C1QTNF7: variants seen among roughly 807,000 people sequenced by gnomAD.
The protein encoded by C1QTNF7 is complement C1q tumor necrosis factor-related protein 7.
A neutral mutation model predicts 19.6 loss-of-function variants in C1QTNF7; 15 were observed. That is an observed-to-expected ratio of 0.76 (90% CI 0.51 to 1.18). The LOEUF is 1.18. Among genes scored for constraint, C1QTNF7 ranks in the 50% most tolerant of loss-of-function variants. C1QTNF7 has a pLI of 0.00. For synonymous variants in C1QTNF7, 142 were observed against 137.5 expected (o/e 1.03, Z -0.23); for missense variants, 324 against 359.7 (o/e 0.90, Z 0.80).
chr4:15,387,156 G>C (rs1718369205), intron 1 of C1QTNF7, among the ~76,000 whole-genome samples: 1 of 152,178 alleles, frequency 6.6e-6, no homozygotes, highest in Admixed American at 6.5e-5. Flanking sequence ...GAGAATCAAA[G>C]GGGACTCCAA....
At chr4:15,383,045 A>C (rs1431617359) in intron 1 of C1QTNF7, among the ~76,000 whole-genome samples, 1 of 152,166 alleles carries the variant, frequency 6.6e-6, no homozygotes, top group Non-Finnish European at 1.5e-5. Flanking sequence ...TGATAAGGAC[A>C]CTCAAATGTC....
intron 1 of C1QTNF7, among the ~76,000 whole-genome samples, chr4:15,421,144 T>G (rs1394354077): frequency 1.3e-5 from 2 of 151,972 alleles, no homozygotes; most frequent in Non-Finnish European, 2.9e-5. Flanking sequence ...CGGATAAACG[T>G]TTAGAAACAC....
intron 1 of C1QTNF7, among the ~76,000 whole-genome samples, chr4:15,375,155 A>G (rs1717888844): frequency 6.6e-6 from 1 of 152,094 alleles, no homozygotes; most frequent in South Asian, 2.1e-4. Flanking sequence ...CATCGTGTCC[A>G]TTCCTACATA....
rs955110746 is a variant in C1QTNF7 at position 15,445,051 on chromosome 4, C to A, written c.*2252C>A. 4 of 152,260 alleles carry A rather than the reference C, an allele frequency of 2.6e-5. No homozygotes were observed. Among genetic ancestry groups the A allele is most frequent in the African/African-American group, 9.6e-5 (4 of 41,460 alleles). The allele number at this position is 152,260 out of a possible 1,614,324, so 9.4% of individuals were successfully genotyped here. A position where few individuals can be genotyped will look rare whatever the true frequency, so the allele number is the denominator to read the frequency against. On this transcript the variant is annotated 3_prime_UTR_variant, in exon 3 of 3. Coordinates refer to ENST00000444304, the MANE Select transcript of C1QTNF7 (RefSeq NM_031911.5). ...TTTCCTGTCTTTCAACCCTATCTTG[C>A]TTTTCCTGTCTTTCAACCCTATCTT...
chr4:15,341,160 C>A (rs1247298398), intron 1 of C1QTNF7, among the ~76,000 whole-genome samples: 1 of 152,210 alleles, frequency 6.6e-6, no homozygotes, highest in African/African-American at 2.4e-5. Context: ...CACAAGCGTG[C>A]TCACAGGCAA....
intron 1 of C1QTNF7, among the ~76,000 whole-genome samples, chr4:15,377,264 C>T (rs1717974492): frequency 6.6e-6 from 1 of 152,134 alleles, no homozygotes; most frequent in South Asian, 2.1e-4. Context: ...TTGTGGATTA[C>T]CCTGTGGTCA....
intron 1 of C1QTNF7, among the ~76,000 whole-genome samples, chr4:15,354,540 G>A (rs10007136): frequency 0.49 from 74,082 of 151,732 alleles, 19,168 homozygotes; most frequent in African/African-American, 0.65. Flanking sequence ...GCTCAGCTGC[G>A]CTCTGTCCTG....
At chr4:15,374,537 A>G (rs1717855071) in intron 1 of C1QTNF7, 1 of 983,364 alleles carries the variant, frequency 1.0e-6, no homozygotes, top group Non-Finnish European at 1.2e-6. Flanking sequence ...AGATCTGTGT[A>G]GGCCACAGCG....
At chr4:15,347,189 C>T (rs1003029763) in intron 1 of C1QTNF7, among the ~76,000 whole-genome samples, 3 of 152,144 alleles carry the variant, frequency 2.0e-5, no homozygotes, top group African/African-American at 4.8e-5. Flanking sequence ...TGGAATGGTG[C>T]CCAAATAGAC....
intron 1 of C1QTNF7, among the ~76,000 whole-genome samples, chr4:15,410,665 T>A (rs1719372031): frequency 6.6e-6 from 1 of 152,214 alleles, no homozygotes; most frequent in Admixed American, 6.5e-5. Context: ...TTAGGCTAGA[T>A]TCACACAATT....
chr4:15,362,033 G>T (rs1325497674), intron 1 of C1QTNF7, among the ~76,000 whole-genome samples: 1 of 152,160 alleles, frequency 6.6e-6, no homozygotes, highest in Non-Finnish European at 1.5e-5. Context: ...GGCCGACTGG[G>T]TTCCAATCCA....
At chr4:15,410,089 C>G (rs946997988) in intron 1 of C1QTNF7, among the ~76,000 whole-genome samples, 12 of 152,168 alleles carry the variant, frequency 7.9e-5, no homozygotes, top group African/African-American at 1.9e-4. Flanking sequence ...CTCACCCCAG[C>G]CTTCCTGCCG....
intron 1 of C1QTNF7, among the ~76,000 whole-genome samples, chr4:15,373,024 T>G (rs1717789559): frequency 6.6e-6 from 1 of 152,084 alleles, no homozygotes; most frequent in East Asian, 1.9e-4. Flanking sequence ...TAGTTGCACA[T>G]CCCGCTGGAA....
At chr4:15,425,865 T>C (rs1343208013), upstream of C1QTNF7, among the ~76,000 whole-genome samples, 1 of 152,098 alleles carries the variant, frequency 6.6e-6, no homozygotes, top group African/African-American at 2.4e-5. Flanking sequence ...TGTATGTATG[T>C]GTGTAGTGGT....
intron 1 of C1QTNF7, among the ~76,000 whole-genome samples, chr4:15,370,053 G>A (rs1411242292): frequency 1.3e-5 from 2 of 152,148 alleles, no homozygotes; most frequent in Non-Finnish European, 2.9e-5. Context: ...AAAAACTGAA[G>A]AAGGTCTGTA....
rs1365259841 is a variant in C1QTNF7 at position 15,445,570 on chromosome 4, G to A, written c.*2771G>A. The A allele has an allele frequency of 3.5e-4, 54 of 152,208 alleles. No homozygotes were observed. Among genetic ancestry groups the A allele is most frequent in the Non-Finnish European group, 1.5e-5 (1 of 68,046 alleles). The allele number at this position is 152,208 out of a possible 1,614,324, so 9.4% of individuals were successfully genotyped here. A position where few individuals can be genotyped will look rare whatever the true frequency, so the allele number is the denominator to read the frequency against. On this transcript the variant is annotated 3_prime_UTR_variant, in exon 3 of 3. Transcript: ENST00000444304. ...TCGTTTTCAAATATCTGGTGGGATG[G>A]TAATGGGGATTAGAGAACTGACATG...
intron 1 of C1QTNF7, among the ~76,000 whole-genome samples, chr4:15,366,312 G>A (rs965468681): frequency 6.6e-6 from 1 of 152,158 alleles, no homozygotes; most frequent in African/African-American, 2.4e-5. Context: ...AGGAAAATTA[G>A]GATGGCTGGT....
intron 1 of C1QTNF7, among the ~76,000 whole-genome samples, chr4:15,343,283 A>G (rs28378449): frequency 0.025 from 3,848 of 152,288 alleles, 155 homozygotes; most frequent in African/African-American, 0.088. Context: ...AGTTGTCCTG[A>G]TGAGTTGAGG....
chr4:15,384,103 G>A (rs978507675), intron 1 of C1QTNF7, among the ~76,000 whole-genome samples: 1 of 152,216 alleles, frequency 6.6e-6, no homozygotes, highest in Non-Finnish European at 1.5e-5. Flanking sequence ...GTGAAGATGG[G>A]TAGGAATTTG....
Sources: gnomAD v4.1 joint callset for allele counts (sites outside exome capture counted in the v4.1 genomes callset) on GRCh38, gnomAD v4.1.1 for gene constraint, MANE v1.5 for transcripts, NCBI Gene and HGNC (gene_info 2026-07-23, HGNC 2026-07-21) for gene names.